The following PTPRD variants were observed in gnomAD, a reference collection of about 807,000 sequenced individuals.
PTPRD encodes receptor-type tyrosine-protein phosphatase delta.
In PTPRD, 34 loss-of-function variants were observed where a neutral mutation model predicts 214.5. The ratio of observed to expected loss-of-function variants is 0.16; its 90% confidence interval spans 0.12 to 0.21. PTPRD has a LOEUF of 0.21. Among genes scored for constraint, PTPRD ranks in the 10% least tolerant of loss-of-function variants. PTPRD has a pLI of 1.00. For missense variants in PTPRD, 2,545 were observed against 2,398.7 expected (o/e 1.06, Z -1.27); for synonymous variants, 1,128 against 845.7 (o/e 1.33, Z -5.79).
At chr9:10,459,199 T>A (rs888343597) in intron 2 of PTPRD, among the ~76,000 whole-genome samples, 37 of 152,292 alleles carry the variant, frequency 2.4e-4, no homozygotes, top group African/African-American at 8.7e-4. Context: ...GTTCCTAGCT[T>A]CATCCATGTC....
At chr9:9,037,782 G>A (rs900277130) in intron 10 of PTPRD, among the ~76,000 whole-genome samples, 1 of 152,112 alleles carries the variant, frequency 6.6e-6, no homozygotes, top group Non-Finnish European at 1.5e-5. Flanking sequence ...AGTGGAAAAA[G>A]TAGGCTTTTC....
intron 7 of PTPRD, among the ~76,000 whole-genome samples, chr9:9,629,810 C>A (rs1202373129): frequency 2.6e-5 from 4 of 152,192 alleles, no homozygotes; most frequent in Non-Finnish European, 4.4e-5. Context: ...CCCAAAACTA[C>A]ACTGACAGCT....
chr9:9,540,227 G>A (rs1347694712), intron 8 of PTPRD, among the ~76,000 whole-genome samples: 1 of 150,922 alleles, frequency 6.6e-6, no homozygotes, highest in East Asian at 2.0e-4. Flanking sequence ...GATCAGATGA[G>A]ATATGTTACT....
chr9:9,795,764 A>G (rs2098998273), intron 5 of PTPRD, among the ~76,000 whole-genome samples: 1 of 141,806 alleles, frequency 7.1e-6, no homozygotes, highest in South Asian at 2.1e-4. Flanking sequence ...TTCCTATTGT[A>G]TCCTATTGTA....
chr9:9,430,381 C>T (rs776940799), intron 8 of PTPRD, among the ~76,000 whole-genome samples: 1 of 151,036 alleles, frequency 6.6e-6, no homozygotes, highest in African/African-American at 2.4e-5. Context: ...AACTACAAAC[C>T]ACTGCTCAAC....
At chr9:8,638,103 CT>C (rs963311950) in intron 12 of PTPRD, among the ~76,000 whole-genome samples, 14,134 of 126,964 alleles carry the variant, frequency 0.11, 737 homozygotes, top group East Asian at 0.2. Flanking sequence ...GCTGTTCCTT[CT>C]TTTTTTTTTT....
chr9:9,928,558 AAGAC>A (rs2085166976), intron 5 of PTPRD, among the ~76,000 whole-genome samples: 1 of 152,158 alleles, frequency 6.6e-6, no homozygotes, highest in Admixed American at 6.5e-5. Context: ...AACAACAACA[AAGAC>A]AGACTCACAA....
intron 3 of PTPRD, among the ~76,000 whole-genome samples, chr9:10,163,856 T>A (rs1279964262): frequency 2.0e-5 from 3 of 151,590 alleles, no homozygotes; most frequent in Admixed American, 2.0e-4. Context: ...ATTAACATTC[T>A]TTTTGAAGGG....
At chr9:8,904,751 T>G (rs1181645444) in intron 11 of PTPRD, among the ~76,000 whole-genome samples, 1 of 151,910 alleles carries the variant, frequency 6.6e-6, no homozygotes, top group East Asian at 1.9e-4. Context: ...TATATTACTG[T>G]GGTCTGTAGA....
rs1267469989 is a variant in PTPRD, at chr9:9,458,317, A to T, written c.-236-60835T>A. ...ATAAAGAAAATAAAAATGTTTCTGT[A>T]TCTGTCAAGAAGAAATCCAACATTG... On this transcript the variant is annotated intron_variant, in intron 8 of 45. Coordinates refer to ENST00000381196, the MANE Select transcript of PTPRD (RefSeq NM_002839.4). Among the ~76,000 whole-genome samples the T allele has an allele frequency of 2.6e-5, 4 of 152,190 alleles. No homozygotes were observed. The South Asian group carries it at 6.2e-4, about 24-fold the overall frequency.
intron 5 of PTPRD, among the ~76,000 whole-genome samples, chr9:9,810,785 TA>T (rs1565440906): frequency 6.6e-6 from 1 of 151,830 alleles, no homozygotes; most frequent in East Asian, 1.9e-4. Flanking sequence ...GTCTTATTGT[TA>T]AACAAATACA....
At chr9:10,008,501 T>C (rs2096533715) in intron 4 of PTPRD, among the ~76,000 whole-genome samples, 1 of 152,030 alleles carries the variant, frequency 6.6e-6, no homozygotes, top group African/African-American at 2.4e-5. Flanking sequence ...AAAGTGAACA[T>C]GGGATATATG....
chr9:10,001,268 A>G (rs918686290), intron 4 of PTPRD, among the ~76,000 whole-genome samples: 2 of 152,148 alleles, frequency 1.3e-5, no homozygotes, highest in Non-Finnish European at 2.9e-5. Context: ...CCGAGCCCCC[A>G]AAACCTGTGG....
chr9:10,384,767 T>C (rs1586837290), intron 2 of PTPRD, among the ~76,000 whole-genome samples: 1 of 61,264 alleles, frequency 1.6e-5, no homozygotes, highest in East Asian at 2.4e-4. Flanking sequence ...TCTAAATTTG[T>C]CAGAAAAAAA....
chr9:8,685,838 T>C (rs1490438792), intron 12 of PTPRD, among the ~76,000 whole-genome samples: 1 of 152,190 alleles, frequency 6.6e-6, no homozygotes, highest in Non-Finnish European at 1.5e-5. Flanking sequence ...TTGTTAAAAA[T>C]AAATAAATAA....
intron 5 of PTPRD, among the ~76,000 whole-genome samples, chr9:9,918,491 C>G (rs1346367262): frequency 6.6e-6 from 1 of 151,872 alleles, no homozygotes; most frequent in Non-Finnish European, 1.5e-5. Flanking sequence ...CCAAAGCAAT[C>G]TGATTCGATT....
intron 4 of PTPRD, among the ~76,000 whole-genome samples, chr9:9,947,725 C>T (rs1176412597): frequency 7.3e-6 from 1 of 137,034 alleles, no homozygotes; most frequent in Non-Finnish European, 1.5e-5. Flanking sequence ...GACTAAAATA[C>T]TTGAAGTTAG....
At position 10,216,514 on chromosome 9, in the gene PTPRD, A is replaced by C. The variant is rs369915613; in HGVS notation, c.-545+124449T>G. On this transcript the variant is annotated intron_variant, in intron 3 of 45. Coordinates refer to ENST00000381196, the MANE Select transcript of PTPRD (RefSeq NM_002839.4). ...TCTAAATTTATATTTTGTATCAACT[A>C]TTAGACATCTGCTGTCTATTATTAA... Among the ~76,000 whole-genome samples the C allele has an allele frequency of 3.3e-5, 5 of 152,088 alleles. No homozygotes were observed. The East Asian group carries it at 9.7e-4, about 29-fold the overall frequency.
chr9:9,819,636 G>A (rs2050026061), intron 5 of PTPRD, among the ~76,000 whole-genome samples: 1 of 152,004 alleles, frequency 6.6e-6, no homozygotes, highest in Admixed American at 6.6e-5. Flanking sequence ...GTCCCCAACG[G>A]TTAGTTTTTC....
Sources: allele counts gnomAD v4.1 joint callset (sites outside exome capture counted in the v4.1 genomes callset), GRCh38; gene constraint gnomAD v4.1.1; transcripts MANE v1.5; gene names NCBI Gene and HGNC (gene_info 2026-07-23, HGNC 2026-07-21).